The following CDH26 variants were observed in gnomAD, a reference collection of about 807,000 sequenced individuals.
CDH26 encodes the protein cadherin-like protein 26.
A neutral mutation model predicts 90.3 loss-of-function variants in CDH26; 83 were observed. That is an observed-to-expected ratio of 0.92 (90% CI 0.77 to 1.10). The LOEUF (loss-of-function observed/expected upper bound fraction) is 1.10, where lower values mean the gene tolerates loss of function less well. Ranked by LOEUF, CDH26 falls within the 50% of genes least tolerant of loss-of-function variation. The probability of loss-of-function intolerance (pLI) is 0.00; values close to 1 mark genes in which losing one functional copy is unlikely to be tolerated. For missense variants in CDH26, 1,013 were observed against 1,037.6 expected, an observed-to-expected ratio of 0.98 and a Z score of 0.33; for synonymous variants, 397 against 396.3, an observed-to-expected ratio of 1.00 and a Z score of -0.02.
rs761206353 is a variant in CDH26 at position 59,996,086 on chromosome 20, T to G, written c.1888+32T>G. On this transcript the variant is annotated intron_variant, in intron 12 of 17. Transcript: ENST00000348616. ...GGTCTGTAGGGGTGTCCTGGGACTGTGGCTCCTCTCCCCAGGCAATAGGCC... is the reference window on the plus strand; with the variant it reads ...GGTCTGTAGGGGTGTCCTGGGACTGGGGCTCCTCTCCCCAGGCAATAGGCC... 22 of 1,596,194 alleles carry G rather than the reference T, an allele frequency of 1.4e-5. No individual in the cohort carries two copies. The South Asian group carries it at 2.4e-4, about 18-fold the overall frequency.
rs750231889 is a variant in CDH26, at chr20:60,006,700, G to T, written c.2221-13G>T. ...CTCTGCTGTGGTATGAAGCTCTACT[G>T]GTTTGCTTGCAGGCTTACCCAGATG... On this transcript the variant is annotated splice_polypyrimidine_tract_variant and intron_variant, in intron 16 of 17. Coordinates refer to ENST00000348616, the MANE Select transcript of CDH26 (RefSeq NM_177980.4). 13 of 1,610,082 alleles carry T rather than the reference G, an allele frequency of 8.1e-6. No individual in the cohort carries two copies. In the South Asian group the frequency reaches 1.4e-4, roughly 18 times the overall value.
intron 9 of CDH26, among the ~76,000 whole-genome samples, chr20:59,990,215 G>T (rs1020131341): frequency 1.3e-5 from 2 of 152,208 alleles, no homozygotes; most frequent in African/African-American, 4.8e-5. Context: ...TGCTGAATAT[G>T]CATATGTGGT....
At chr20:59,963,337 G>A (rs1237311044) in intron 1 of CDH26, among the ~76,000 whole-genome samples, 4 of 139,702 alleles carry the variant, frequency 2.9e-5, no homozygotes, top group South Asian at 2.3e-4. Flanking sequence ...TGCAACCTCC[G>A]CCTCCCAGAC....
rs185060368 is a variant in CDH26, at chr20:59,994,616, C to G, written c.1666+127C>G. ...GAGGTCTGCGTTCTGGCAGAGCTGGCTCTAGGTGCTCAAAGGATATCCCTG... is the reference window on the plus strand; with the variant it reads ...GAGGTCTGCGTTCTGGCAGAGCTGGGTCTAGGTGCTCAAAGGATATCCCTG... On this transcript the variant is annotated intron_variant, in intron 11 of 17. Transcript: ENST00000348616. The G allele has an allele frequency of 2.6e-4, 305 of 1,161,232 alleles. No individual in the cohort carries two copies. The African/African-American group carries it at 4.4e-3, about 17-fold the overall frequency. 71.9% of individuals were successfully genotyped at this position (1,161,232 alleles called of 1,614,324 possible). A position where few individuals can be genotyped will look rare whatever the true frequency, so the allele number is the denominator to read the frequency against.
intron 7 of CDH26, among the ~76,000 whole-genome samples, chr20:59,986,592 TTTTA>T (rs2061461202): frequency 6.7e-6 from 1 of 148,686 alleles, no homozygotes; most frequent in Non-Finnish European, 1.5e-5. Flanking sequence ...ACTTAATCAG[TTTTA>T]TTTATTTTAT....
rs111911477 is a variant in CDH26, at chr20:59,974,742, C to T, written c.393+2619C>T. On this transcript the variant is annotated intron_variant, in intron 4 of 17. Coordinates refer to ENST00000348616, the MANE Select transcript of CDH26 (RefSeq NM_177980.4). ...GCCCTGTCATTTAACTACAGACTTCCACAAGGAAAGATACAGGGTGGGGAT... is the reference window on the plus strand; with the variant it reads ...GCCCTGTCATTTAACTACAGACTTCTACAAGGAAAGATACAGGGTGGGGAT... Among the ~76,000 whole-genome samples, 184 of 152,236 alleles carry T rather than the reference C, an allele frequency of 1.2e-3. 3 individuals are homozygous for T. The highest frequency in any genetic ancestry group is 4.2e-3 in the African/African-American group (173 of 41,536).
chr20:60,022,474 T>C (rs949128363), intron 7 of CDH26, among the ~76,000 whole-genome samples: 58 of 152,236 alleles, frequency 3.8e-4, no homozygotes, highest in African/African-American at 1.4e-3. Context: ...TGTGCTTACT[T>C]TTATGATTTA....
At chr20:60,003,823 C>T (rs1281377829) in intron 16 of CDH26, among the ~76,000 whole-genome samples, 2 of 152,148 alleles carry the variant, frequency 1.3e-5, no homozygotes, top group African/African-American at 2.4e-5. Context: ...TCCACAGAAG[C>T]CCAGAGAGGA....
chr20:60,019,838 A>G (rs763794667), intron 7 of CDH26, among the ~76,000 whole-genome samples: 3 of 152,086 alleles, frequency 2.0e-5, no homozygotes, highest in Non-Finnish European at 4.4e-5. Flanking sequence ...TTCTAATTTT[A>G]TGGAGTAGGT....
intron 3 of CDH26, among the ~76,000 whole-genome samples, chr20:59,970,861 A>C (rs1028912538): frequency 6.7e-6 from 1 of 149,808 alleles, no homozygotes; most frequent in Non-Finnish European, 1.5e-5. Flanking sequence ...AATAAGGGAG[A>C]TTGTCTTAAA....
intron 11 of CDH26, among the ~76,000 whole-genome samples, 170 bp downstream of exon 11, chr20:59,994,659 T>C (rs2061569887): frequency 1.3e-5 from 2 of 152,144 alleles, no homozygotes; most frequent in Admixed American, 6.5e-5. Flanking sequence ...TTCCCACACA[T>C]GGTCTGCCTT....
chr20:60,004,726 AC>A (rs2061722038), intron 16 of CDH26, among the ~76,000 whole-genome samples: 1 of 147,374 alleles, frequency 6.8e-6, no homozygotes, highest in African/African-American at 2.6e-5. Flanking sequence ...AGATCGCGCC[AC>A]TGCACTCCAG....
At chr20:59,967,056 C>T (rs60248531) in intron 1 of CDH26, among the ~76,000 whole-genome samples, 3,457 of 151,934 alleles carry the variant, frequency 0.023, 149 homozygotes, top group African/African-American at 0.079. Flanking sequence ...CAATCCAAAA[C>T]CATAAAAATT....
intron 4 of CDH26, 83 bp downstream of exon 4, chr20:59,972,206 A>G: frequency 7.6e-7 from 1 of 1,312,552 alleles, no homozygotes; most frequent in Non-Finnish European, 1.1e-6. Flanking sequence ...ATTTAAGCTG[A>G]CTATGTGCCA....
chr20:60,001,348 C>T lies in CDH26; in HGVS notation c.2103C>T (p.Leu701=), dbSNP rs143288206. ...AAGPTQGVKD[L]EEVPPSAASQ... The stretch of plus-strand genomic sequence containing the variant: ...AATCAGCATTTTCCCTCTAGGATCT[C>T]GAGGAAGTGCCTCCATCTGCAGCGA... Residue 701 remains leucine (L), a synonymous_variant, in exon 15 of 18, where the codon CTC becomes CTT. Coordinates refer to ENST00000348616, the MANE Select transcript of CDH26 (RefSeq NM_177980.4). 3.3e-5 allele frequency: 53 copies of T among 1,613,848 alleles called. No individual in the cohort carries two copies. Among genetic ancestry groups the T allele is most frequent in the African/African-American group, 6.7e-5 (5 of 74,908 alleles).
At chr20:59,984,978 A>G (rs1251429776) in intron 6 of CDH26, 23 bp from the exon 7 acceptor site, 1 of 1,608,396 alleles carries the variant, frequency 6.2e-7, no homozygotes, top group African/African-American at 1.3e-5. Flanking sequence ...GAGGGGCTTA[A>G]CTTTCCTTTT....
intron 17 of CDH26, among the ~76,000 whole-genome samples, chr20:60,007,950 C>T (rs1476356507): frequency 6.6e-6 from 1 of 152,198 alleles, no homozygotes; most frequent in Non-Finnish European, 1.5e-5. Context: ...CCACTGCGTA[C>T]TCCTGGGAAG....
intron 4 of CDH26, 149 bp downstream of exon 4, chr20:59,972,272 G>A: frequency 2.8e-6 from 2 of 706,444 alleles, no homozygotes; most frequent in Non-Finnish European, 2.3e-6. Context: ...GTATGCCTGA[G>A]ACTTTTGTAA....
Position 60,001,425 on chromosome 20 carries a change from G to A in CDH26, c.2166+14G>A, listed in dbSNP as rs1320880681. 1 of 1,613,054 alleles carries A rather than the reference G, an allele frequency of 6.2e-7. No homozygotes were observed. Among genetic ancestry groups the A allele is most frequent in the African/African-American group, 1.3e-5 (1 of 74,914 alleles). On this transcript the variant is annotated intron_variant, in intron 15 of 17. Coordinates refer to ENST00000348616, the MANE Select transcript of CDH26 (RefSeq NM_177980.4). ...CTGGGGAGCTGGGTGAGTTCCAGAAGGTTGCTCCCTGCTACGGCCATCTCA... is the reference window on the plus strand; with the variant it reads ...CTGGGGAGCTGGGTGAGTTCCAGAAAGTTGCTCCCTGCTACGGCCATCTCA...
Sources: gnomAD v4.1 joint callset for allele counts (sites outside exome capture counted in the v4.1 genomes callset) on GRCh38, gnomAD v4.1.1 for gene constraint, MANE v1.5 for transcripts, NCBI Gene and HGNC (gene_info 2026-07-23, HGNC 2026-07-21) for gene names.